Variants in MOV10L1 observed in about 807,000 individuals in gnomAD.
MOV10L1 encodes the protein Mov10 like RNA helicase 1, also known as RNA helicase Mov10l1.
MOV10L1 carries 110 observed loss-of-function variants against 143.8 expected under a neutral mutation model. That is an observed-to-expected ratio of 0.76 (90% CI 0.66 to 0.90). The LOEUF (loss-of-function observed/expected upper bound fraction) is 0.90. Ranked by LOEUF, MOV10L1 falls within the 40% of genes least tolerant of loss-of-function variation. The pLI is 0.00. For synonymous variants in MOV10L1, 593 were observed against 581.1 expected (o/e 1.02, Z -0.29); for missense variants, 1,406 against 1,526.8 (o/e 0.92, Z 1.32).
chr22:50,106,969 G>A (rs2061886563), intron 3 of MOV10L1, among the ~76,000 whole-genome samples: 1 of 151,830 alleles, frequency 6.6e-6, no homozygotes. Flanking sequence ...CCAAAGTGCT[G>A]GGATTACAGG....
intron 3 of MOV10L1, among the ~76,000 whole-genome samples, chr22:50,107,287 C>T (rs191064111): frequency 5.1e-4 from 78 of 151,662 alleles, no homozygotes; most frequent in African/African-American, 1.9e-3. Flanking sequence ...TGGTCTCGAT[C>T]TCCTGACCTC....
chr22:50,138,925 A>G (rs910068045), intron 15 of MOV10L1, among the ~76,000 whole-genome samples: 1 of 152,020 alleles, frequency 6.6e-6, no homozygotes, highest in Admixed American at 6.6e-5. Context: ...GCTGGTCTCA[A>G]ACTCCTGACC....
At chr22:50,154,556 A>G (rs1160430882) in intron 22 of MOV10L1, among the ~76,000 whole-genome samples, 4 of 152,140 alleles carry the variant, frequency 2.6e-5, no homozygotes, top group African/African-American at 9.7e-5. Flanking sequence ...CGACAGAGTG[A>G]GACCCTGACT....
chr22:50,145,561 A>G (rs975305763), intron 18 of MOV10L1, 128 bp from the exon 19 acceptor site: 8 of 1,213,418 alleles, frequency 6.6e-6, no homozygotes, highest in Non-Finnish European at 9.3e-6. Context: ...AGTATGAGAT[A>G]TTTTGAGAAA....
intron 12 of MOV10L1, among the ~76,000 whole-genome samples, 189 bp downstream of exon 12, chr22:50,126,461 A>G (rs1405077805): frequency 6.6e-6 from 1 of 152,250 alleles, no homozygotes; most frequent in Non-Finnish European, 1.5e-5. Flanking sequence ...ATAATTTTCA[A>G]CCATGTAAAA....
intron 15 of MOV10L1, among the ~76,000 whole-genome samples, chr22:50,137,787 TAA>T (rs1194441717): frequency 5.3e-5 from 5 of 93,710 alleles, no homozygotes; most frequent in Admixed American, 1.5e-4. Context: ...TATACATATA[TAA>T]ATATACATAT....
intron 17 of MOV10L1, 41 bp downstream of exon 17, chr22:50,143,262 C>T (rs1338207536): frequency 4.4e-6 from 7 of 1,592,696 alleles, no homozygotes; most frequent in Non-Finnish European, 6.0e-6. Flanking sequence ...CTCTGTGCTG[C>T]TGTTCATGTG....
At chr22:50,115,275 G>T in intron 8 of MOV10L1, 29 bp downstream of exon 8, 1 of 1,463,428 alleles carries the variant, frequency 6.8e-7, no homozygotes, top group Non-Finnish European at 9.0e-7. Flanking sequence ...GGGGAGAGCC[G>T]CGTTTTTAAG....
intron 12 of MOV10L1, among the ~76,000 whole-genome samples, chr22:50,127,459 T>C (rs1229478852): frequency 1.3e-5 from 2 of 152,230 alleles, no homozygotes; most frequent in African/African-American, 4.8e-5. Flanking sequence ...TGGTCTGTCT[T>C]CCTCATCCTC....
Position 50,149,731 on chromosome 22 carries a change from G to A in MOV10L1, c.2727+17G>A. 6.2e-7 allele frequency: 1 copy of A among 1,604,914 alleles called. No homozygotes were observed. Among genetic ancestry groups the A allele is most frequent in the Non-Finnish European group, 8.5e-7 (1 of 1,173,356 alleles). The stretch of plus-strand genomic sequence containing the variant: ...AGTGGCCAGGTAAGTCCCGACTACT[G>A]TGTGTGCTGCTTCCTCCTCACCCCG... On this transcript the variant is annotated intron_variant, in intron 20 of 26. Transcript: ENST00000262794.
chr22:50,152,969 C>T lies in MOV10L1; in HGVS notation c.2893-76C>T. On this transcript the variant is annotated intron_variant, in intron 21 of 26. Coordinates refer to ENST00000262794, the MANE Select transcript of MOV10L1 (RefSeq NM_018995.3). The surrounding 1 kb of genome is among the most constrained non-coding windows in gnomAD (Gnocchi z 4.4). ...TCAGGCAGGCCTCACGTTTGCTGTG[C>T]AGAGCCGCTTTTCGTTCGACAGAAA... is the stretch of plus-strand genomic sequence containing the variant. 10 of 1,452,784 alleles carry T rather than the reference C, an allele frequency of 6.9e-6. No homozygotes were observed. The highest frequency in any genetic ancestry group is 2.5e-4 in the Middle Eastern group (1 of 4,048). The allele number at this position is 1,452,784 out of a possible 1,614,324, so 90.0% of individuals were successfully genotyped here. A position where few individuals can be genotyped will look rare whatever the true frequency, so the allele number is the denominator to read the frequency against.
At chr22:50,145,348 G>T (rs1418173776) in intron 18 of MOV10L1, among the ~76,000 whole-genome samples, 1 of 152,198 alleles carries the variant, frequency 6.6e-6, no homozygotes, top group Non-Finnish European at 1.5e-5. Flanking sequence ...CTTGAACCTG[G>T]GAGGCAGAGG....
intron 15 of MOV10L1, among the ~76,000 whole-genome samples, chr22:50,138,214 C>T (rs1163423413): frequency 6.6e-6 from 1 of 152,016 alleles, no homozygotes; most frequent in African/African-American, 2.4e-5. Context: ...GCATTTCTGC[C>T]CAGCATTGTG....
Position 50,153,091 on chromosome 22 carries a change from T to C in MOV10L1, c.2939T>C (p.Met980Thr). 1 of 1,613,040 alleles carries C rather than the reference T, an allele frequency of 6.2e-7. No individual in the cohort carries two copies. Among genetic ancestry groups the C allele is most frequent in the Non-Finnish European group, 8.5e-7 (1 of 1,179,064 alleles). ...KNYRSHEALL[M>T]LPSRLFYHRE... ...TACCGGTCCCACGAGGCCCTGCTGA[T>C]GCTGCCCTCACGGCTGTTCTACCAC... is the stretch of plus-strand genomic sequence containing the variant. The change falls in exon 22 of 27, where the codon ATG (methionine) becomes ACG (threonine). Residue 980 changes from methionine to threonine, a missense_variant. By Grantham distance (81) the Met-to-Thr change is moderately conservative. Around this residue, in one of 3 missense-constraint regions of MOV10L1, gnomAD observed 1,233 missense variants for 1,351.4 expected, o/e 0.91. Transcript: ENST00000262794.
At chr22:50,138,522 C>T (rs1279771367) in intron 15 of MOV10L1, among the ~76,000 whole-genome samples, 1 of 150,946 alleles carries the variant, frequency 6.6e-6, no homozygotes, top group African/African-American at 2.4e-5. Flanking sequence ...TGTACCACTA[C>T]ACTCCAGCCT....
chr22:50,160,782 A>G lies in MOV10L1; in HGVS notation c.3419A>G (p.Lys1140Arg), dbSNP rs758755711. 10 of 1,613,852 alleles carry G rather than the reference A, an allele frequency of 6.2e-6. No homozygotes were observed. Among genetic ancestry groups the G allele is most frequent in the Non-Finnish European group, 8.5e-6 (10 of 1,179,992 alleles). Residue 1140 changes from lysine (K) to arginine (R), a missense_variant, in exon 25 of 27, where the codon AAA becomes AGA. By Grantham distance (26) the Lys-to-Arg change is conservative. Transcript: ENST00000262794. ...TTTAATGTTGCAATCACCAGACCCA[A>G]AGCTTTGCTGATAGTGCTGGGAAAC... ...KRFNVAITRPKALLIVLGNPH... is the reference protein window; with the variant it reads ...KRFNVAITRPRALLIVLGNPH...
intron 12 of MOV10L1, among the ~76,000 whole-genome samples, chr22:50,127,448 T>C (rs2062542961): frequency 6.6e-6 from 1 of 152,262 alleles, no homozygotes; most frequent in Non-Finnish European, 1.5e-5. Context: ...TAGTCAGGAC[T>C]TGGTCTGTCT....
rs2061926549 is a variant in MOV10L1 at position 50,108,247 on chromosome 22, A to G, written c.554A>G (p.Lys185Arg). Residue 185 changes from lysine (K) to arginine (R), a missense_variant and splice_region_variant, in exon 4 of 27, where the codon AAG (lysine) becomes AGG (arginine). Around this residue, in one of 3 missense-constraint regions of MOV10L1, gnomAD observed 1,233 missense variants for 1,351.4 expected, o/e 0.91. Transcript: ENST00000262794. ...VKPLRYKRVD[K>R]VCISSLCGRN... is the part of the protein sequence containing the mutation. ...CCACTGAGATACAAGCGCGTGGACA[A>G]GGTAGCGTGCCGACTAGTGGCTCCT... The G allele has an allele frequency of 6.2e-7, 1 of 1,611,620 alleles. No individual in the cohort carries two copies. The highest frequency in any genetic ancestry group is 8.5e-7 in the Non-Finnish European group (1 of 1,179,022).
chr22:50,130,705 C>T (rs888185991), intron 13 of MOV10L1, among the ~76,000 whole-genome samples: 2 of 152,180 alleles, frequency 1.3e-5, no homozygotes, highest in African/African-American at 2.4e-5. Flanking sequence ...GCTGGGACCA[C>T]AGGGAGCAGC....
Sources: allele counts gnomAD v4.1 joint callset (sites outside exome capture counted in the v4.1 genomes callset), GRCh38; gene constraint gnomAD v4.1.1; regional missense constraint gnomAD v4.1.1; non-coding constraint Gnocchi (gnomAD v3.1); transcripts MANE v1.5; gene names NCBI Gene and HGNC (gene_info 2026-07-23, HGNC 2026-07-21).